Variants in ASCC3 observed in about 807,000 individuals in gnomAD.
The protein encoded by ASCC3 is ASC-1 complex subunit P200.
Under a neutral mutation model 256.3 loss-of-function variants are expected in ASCC3, and 158 were observed. That is an observed-to-expected ratio of 0.62 (90% CI 0.54 to 0.70). The LOEUF (loss-of-function observed/expected upper bound fraction) is 0.70, where lower values mean the gene tolerates loss of function less well. Among genes scored for constraint, ASCC3 ranks in the 30% least tolerant of loss-of-function variants. ASCC3 has a pLI of 0.00. For synonymous variants in ASCC3, 948 were observed against 883.4 expected (o/e 1.07, Z -1.30); for missense variants, 2,259 against 2,626.0 (o/e 0.86, Z 3.05).
At chr6:100,748,845 T>C (rs990170082) in intron 10 of ASCC3, among the ~76,000 whole-genome samples, 1 of 151,988 alleles carries the variant, frequency 6.6e-6, no homozygotes, top group East Asian at 1.9e-4. Flanking sequence ...AAGAAGTGGA[T>C]AACCCATAGA....
At chr6:100,713,844 T>C (rs117746983) in intron 13 of ASCC3, among the ~76,000 whole-genome samples, 2 of 152,324 alleles carry the variant, frequency 1.3e-5, no homozygotes, top group East Asian at 3.9e-4. Context: ...GTTTATATAT[T>C]TTCTAATCTA....
At chr6:100,648,779 T>C (rs1775512171) in intron 20 of ASCC3, among the ~76,000 whole-genome samples, 2 of 151,942 alleles carry the variant, frequency 1.3e-5, no homozygotes, top group South Asian at 4.1e-4. Flanking sequence ...TTTTAATATT[T>C]CAGGATCTAC....
chr6:100,601,694 C>A, intron 34 of ASCC3, 116 bp downstream of exon 34: 1 of 1,212,280 alleles, frequency 8.2e-7, no homozygotes, highest in South Asian at 1.4e-5. Flanking sequence ...ATTCATATAC[C>A]TAGAATCTCC....
chr6:100,521,283 G>C (rs1046584078), intron 37 of ASCC3, among the ~76,000 whole-genome samples: 1 of 152,154 alleles, frequency 6.6e-6, no homozygotes, highest in Non-Finnish European at 1.5e-5. Flanking sequence ...CCAAAGGGAA[G>C]CTGCAAAGTG....
chr6:100,840,901 G>C lies in ASCC3; in HGVS notation c.801+7247C>G, dbSNP rs753396620. Among the ~76,000 whole-genome samples, 106 of 151,628 alleles carry C rather than the reference G, an allele frequency of 7.0e-4. 1 individual carries two copies. The highest frequency in any genetic ancestry group is 5.9e-4 in the Admixed American group (9 of 15,208). ...TTAGAAAACGAGTTGTATAAAGAAT[G>C]GGTGGCAATAAAAATTGAAATTTCC... On this transcript the variant is annotated intron_variant, in intron 4 of 41. Transcript: ENST00000369162.
At chr6:100,718,800 A>G (rs764240780) in intron 11 of ASCC3, among the ~76,000 whole-genome samples, 56 of 152,132 alleles carry the variant, frequency 3.7e-4, no homozygotes, top group Admixed American at 2.6e-3. Flanking sequence ...GTGACAACTA[A>G]ATGTATTTTT....
intron 36 of ASCC3, among the ~76,000 whole-genome samples, chr6:100,558,866 T>C (rs1169904058): frequency 3.9e-5 from 6 of 152,160 alleles, no homozygotes; most frequent in Non-Finnish European, 5.9e-5. Context: ...CTGACACTTA[T>C]GAATCTTGCA....
In ASCC3 at chr6:100,540,390, G is replaced by GAA. The variant is rs753164821; in HGVS notation, c.5551-5_5551-4dup. On this transcript the variant is annotated splice_polypyrimidine_tract_variant and splice_region_variant and intron_variant, in intron 36 of 41. Transcript: ENST00000369162. ...AAATCTGTATATTCTTCTGCATCCT[G>GAA]AAAAAAAAAAAAAGCCCCACATTGT... 412 of 1,322,320 alleles carry GAA rather than the reference G, an allele frequency of 3.1e-4. No individual in the cohort carries two copies. The highest frequency in any genetic ancestry group is 1.3e-3 in the Middle Eastern group (6 of 4,636). The allele number at this position is 1,322,320 out of a possible 1,614,324, so 81.9% of individuals were successfully genotyped here. A position where few individuals can be genotyped will look rare whatever the true frequency, so the allele number is the denominator to read the frequency against.
intron 4 of ASCC3, among the ~76,000 whole-genome samples, chr6:100,814,871 T>C (rs116829277): frequency 0.02 from 2,972 of 152,150 alleles, 90 homozygotes; most frequent in African/African-American, 0.069. Flanking sequence ...TTTATTAATT[T>C]TTTTTCAAAA....
intron 36 of ASCC3, among the ~76,000 whole-genome samples, chr6:100,562,753 G>A (rs1770023385): frequency 6.6e-6 from 1 of 151,772 alleles, no homozygotes; most frequent in South Asian, 2.1e-4. Flanking sequence ...AATTCCTTAG[G>A]ATCAATTCCT....
intron 4 of ASCC3, among the ~76,000 whole-genome samples, chr6:100,841,850 C>T (rs905506316): frequency 1.3e-5 from 2 of 152,046 alleles, no homozygotes; most frequent in African/African-American, 4.8e-5. Flanking sequence ...TACAAGATAA[C>T]TACTCCAGAA....
chr6:100,799,436 C>T lies in ASCC3; in HGVS notation c.1264G>A (p.Ala422Thr), dbSNP rs1225590715. ...AMKTSAFIAGAKMILPEGIQR... is the reference protein window; with the variant it reads ...AMKTSAFIAGTKMILPEGIQR... Reference sequence around the variant, plus strand: ...GTTATATAACAATGACATACCTTTGCACCAGCAATAAATGCTGATGTTTTC... The same window carrying T: ...GTTATATAACAATGACATACCTTTGTACCAGCAATAAATGCTGATGTTTTC... The change falls in exon 7 of 42, where the codon GCA (alanine) becomes ACA (threonine). Residue 422 changes from alanine to threonine, a missense_variant. Physicochemically the swap from Ala to Thr is moderately conservative, Grantham distance 58. This residue lies in a region of ASCC3 where 1,839 missense variants were observed against 2,206.7 expected (regional missense o/e 0.83). Transcript: ENST00000369162. 1 of 1,612,238 alleles carries T rather than the reference C, an allele frequency of 6.2e-7. No individual in the cohort carries two copies. The highest frequency in any genetic ancestry group is 8.5e-7 in the Non-Finnish European group (1 of 1,179,306).
intron 14 of ASCC3, among the ~76,000 whole-genome samples, chr6:100,673,639 G>A (rs1235674041): frequency 6.6e-6 from 1 of 152,112 alleles, no homozygotes; most frequent in East Asian, 1.9e-4. Flanking sequence ...TATTCAAAGT[G>A]AACCACATGT....
At chr6:100,562,337 T>C (rs1359156923) in intron 36 of ASCC3, among the ~76,000 whole-genome samples, 2 of 152,060 alleles carry the variant, frequency 1.3e-5, no homozygotes, top group Non-Finnish European at 2.9e-5. Context: ...TCACTGGAAA[T>C]TCCTCTAGGC....
intron 26 of ASCC3, 107 bp from the exon 27 acceptor site, chr6:100,629,288 T>C: frequency 9.9e-7 from 1 of 1,005,728 alleles, no homozygotes; most frequent in South Asian, 1.6e-5. Context: ...GGCTTAAAAT[T>C]ACTTTATCTA....
At chr6:100,823,209 G>A (rs991699956) in intron 4 of ASCC3, among the ~76,000 whole-genome samples, 20 of 152,144 alleles carry the variant, frequency 1.3e-4, no homozygotes, top group African/African-American at 4.8e-4. Context: ...GAGAACAGGT[G>A]CTGTTCTCAC....
chr6:100,694,137 A>G (rs901424949), intron 13 of ASCC3, among the ~76,000 whole-genome samples: 10 of 151,858 alleles, frequency 6.6e-5, no homozygotes, highest in African/African-American at 2.4e-4. Flanking sequence ...TTCCTGAATA[A>G]TATTTTTGGG....
At chr6:100,849,823 T>C (rs1772570232) in intron 3 of ASCC3, among the ~76,000 whole-genome samples, 1 of 151,782 alleles carries the variant, frequency 6.6e-6, no homozygotes, top group Admixed American at 6.6e-5. Flanking sequence ...AAAACATGAC[T>C]CTGCAGTTGC....
chr6:100,793,904 C>T (rs960348061), intron 8 of ASCC3, among the ~76,000 whole-genome samples: 1 of 151,972 alleles, frequency 6.6e-6, no homozygotes, highest in Non-Finnish European at 1.5e-5. Context: ...TTTCCTATTT[C>T]CTATTCCTCA....
Sources: gnomAD v4.1 joint callset for allele counts (sites outside exome capture counted in the v4.1 genomes callset) on GRCh38, gnomAD v4.1.1 for gene constraint, gnomAD v4.1.1 regional missense constraint, MANE v1.5 for transcripts, NCBI Gene and HGNC (gene_info 2026-07-23, HGNC 2026-07-21) for gene names.